The following LRP1B variants were observed in gnomAD, a reference collection of about 807,000 sequenced individuals.
The protein encoded by LRP1B is low-density lipoprotein receptor-related protein 1B.
Under a neutral mutation model 556.6 loss-of-function variants are expected in LRP1B, and 217 were observed. The observed-to-expected ratio is 0.39, with a 90% CI of 0.35 to 0.44. The LOEUF is 0.44. LRP1B is among the 20% of genes least tolerant of loss of function. The pLI is 1.00. For synonymous variants in LRP1B, 2,047 were observed against 1,865.8 expected, an observed-to-expected ratio of 1.10 and a Z score of -2.50; for missense variants, 5,053 against 5,620.8, an observed-to-expected ratio of 0.90 and a Z score of 3.23.
chr2:142,059,782 G>T (rs1704833797), intron 1 of LRP1B, among the ~76,000 whole-genome samples: 1 of 151,964 alleles, frequency 6.6e-6, no homozygotes, highest in Non-Finnish European at 1.5e-5. Context: ...TCTTCATAAT[G>T]CATGGACAGC....
chr2:141,957,383 T>TGG (rs70994470), intron 1 of LRP1B, among the ~76,000 whole-genome samples: 1 of 58,448 alleles, frequency 1.7e-5, no homozygotes, highest in African/African-American at 7.0e-5. Context: ...TTTGTGTGTG[T>TGG]GGGGGGGGGG....
intron 4 of LRP1B, 114 bp from the exon 5 acceptor site, chr2:141,247,468 A>G (rs1473030574): frequency 8.2e-7 from 1 of 1,214,952 alleles, no homozygotes; most frequent in Non-Finnish European, 1.2e-6. Context: ...GGAAAAGCCA[A>G]TTCCAATAAG....
chr2:141,466,796 ATGTC>A (rs1287413219), intron 3 of LRP1B, among the ~76,000 whole-genome samples: 3 of 152,178 alleles, frequency 2.0e-5, no homozygotes, highest in African/African-American at 7.2e-5. Flanking sequence ...CTTCAATGGA[ATGTC>A]TATCTATAAC....
intron 35 of LRP1B, among the ~76,000 whole-genome samples, chr2:140,752,722 TA>T (rs1688624208): frequency 6.6e-6 from 1 of 152,244 alleles, no homozygotes; most frequent in Admixed American, 6.5e-5. Flanking sequence ...TAAATATACT[TA>T]TTTTTTTCAA....
intron 21 of LRP1B, among the ~76,000 whole-genome samples, chr2:140,917,287 C>A (rs1208479784): frequency 1.3e-5 from 2 of 152,218 alleles, no homozygotes; most frequent in South Asian, 2.1e-4. Flanking sequence ...GACAGTGCAG[C>A]CATTGCTTAC....
At chr2:141,630,571 CTA>C (rs1349836436) in intron 2 of LRP1B, among the ~76,000 whole-genome samples, 7 of 152,178 alleles carry the variant, frequency 4.6e-5, no homozygotes, top group Non-Finnish European at 8.8e-5. Context: ...AATTTAAAAG[CTA>C]TAGTGAGTCA....
chr2:140,913,778 T>C (rs928804431), intron 21 of LRP1B, among the ~76,000 whole-genome samples: 2 of 152,170 alleles, frequency 1.3e-5, no homozygotes, highest in Non-Finnish European at 2.9e-5. Flanking sequence ...TTGTTTATAA[T>C]AGAGTTATAG....
chr2:141,484,097 G>A (rs1214848385), intron 2 of LRP1B, among the ~76,000 whole-genome samples: 1 of 152,006 alleles, frequency 6.6e-6, no homozygotes, highest in Non-Finnish European at 1.5e-5. Context: ...ATGGTTTTAG[G>A]TCTATCATTA....
At chr2:140,995,063 C>G (rs909123339) in intron 15 of LRP1B, among the ~76,000 whole-genome samples, 28 of 151,976 alleles carry the variant, frequency 1.8e-4, no homozygotes, top group African/African-American at 6.3e-4. Flanking sequence ...ATGTAATTCT[C>G]TGCAAGCCTG....
At chr2:141,222,745 A>G (rs1683096638) in intron 6 of LRP1B, among the ~76,000 whole-genome samples, 1 of 152,178 alleles carries the variant, frequency 6.6e-6, no homozygotes, top group African/African-American at 2.4e-5. Context: ...TATGCAAATC[A>G]ATGAACATAA....
intron 2 of LRP1B, among the ~76,000 whole-genome samples, chr2:141,544,364 C>CTTCTTCTTCTT (rs1685452898): frequency 9.6e-6 from 1 of 104,544 alleles, no homozygotes; most frequent in African/African-American, 3.3e-5. Flanking sequence ...TCTTCTTCTT[C>CTTCTTCTTCTT]TTCTTCTTCT....
rs1269287589 is a variant in LRP1B at position 141,474,042 on chromosome 2, TCCTTTC to T, written c.343+6348_343+6353del. On this transcript the variant is annotated intron_variant, in intron 3 of 90. Coordinates refer to ENST00000389484, the MANE Select transcript of LRP1B (RefSeq NM_018557.3). ...TTCCTTCCTTCCTTCCTTCCTTCCT[TCCTTTC>T]CTTCCTTCCTCCCTCCCTCCCTTCC... Among the ~76,000 whole-genome samples the T allele has an allele frequency of 6.4e-3, 705 of 110,692 alleles. 8 individuals are homozygous for T. Among genetic ancestry groups the T allele is most frequent in the African/African-American group, 0.028 (658 of 23,710 alleles). 72.6% of individuals were successfully genotyped at this position (110,692 alleles called of 152,430 possible).
Position 142,073,695 on chromosome 2 carries a change from G to T in LRP1B, c.82+56953C>A, listed in dbSNP as rs577573114. Among the ~76,000 whole-genome samples the T allele has an allele frequency of 1.4e-4, 21 of 152,092 alleles. No homozygotes were observed. The East Asian group carries it at 2.7e-3, about 20-fold the overall frequency. ...CCCCACCCAAATCTCATGTTCAATT[G>T]TAATCCCCATTGTTGGAGATGAGGC... On this transcript the variant is annotated intron_variant, in intron 1 of 90. Transcript: ENST00000389484.
intron 66 of LRP1B, among the ~76,000 whole-genome samples, chr2:140,401,251 G>C (rs1162578813): frequency 6.6e-6 from 1 of 152,156 alleles, no homozygotes; most frequent in Non-Finnish European, 1.5e-5. Flanking sequence ...TGTCTCTGCA[G>C]GGAAAGCTTA....
At chr2:140,520,811 A>AAAAAAAAAAAAAC in intron 49 of LRP1B, among the ~76,000 whole-genome samples, 1 of 149,956 alleles carries the variant, frequency 6.7e-6, no homozygotes, top group Non-Finnish European at 1.5e-5. Context: ...AAAAAAAAAA[A>AAAAAAAAAAAAAC]AAAGAAAATT....
intron 2 of LRP1B, among the ~76,000 whole-genome samples, chr2:141,791,943 T>C (rs975979173): frequency 2.0e-5 from 3 of 151,990 alleles, no homozygotes; most frequent in Non-Finnish European, 4.4e-5. Flanking sequence ...GTACATAGAT[T>C]CCCATGAATC....
intron 31 of LRP1B, among the ~76,000 whole-genome samples, chr2:140,819,050 C>T (rs771016767): frequency 6.6e-6 from 1 of 151,962 alleles, no homozygotes; most frequent in Non-Finnish European, 1.5e-5. Context: ...AAGGTGTTAG[C>T]CTTCAGTCGC....
At chr2:141,496,422 T>C (rs1002988082) in intron 2 of LRP1B, among the ~76,000 whole-genome samples, 1 of 152,104 alleles carries the variant, frequency 6.6e-6, no homozygotes, top group Admixed American at 6.6e-5. Context: ...CTACACAGAC[T>C]ACTCTTTAAT....
At chr2:141,881,041 G>C (rs1698942720) in intron 1 of LRP1B, among the ~76,000 whole-genome samples, 6 of 151,994 alleles carry the variant, frequency 3.9e-5, no homozygotes, top group Admixed American at 3.9e-4. Context: ...TAAAAACCGA[G>C]CATTCTTCTT....
Sources: gnomAD v4.1 joint callset for allele counts (sites outside exome capture counted in the v4.1 genomes callset) on GRCh38, gnomAD v4.1.1 for gene constraint, MANE v1.5 for transcripts, NCBI Gene and HGNC (gene_info 2026-07-23, HGNC 2026-07-21) for gene names.